STK33: variants seen among roughly 807,000 people sequenced by gnomAD.
STK33 encodes serine/threonine kinase 33.
STK33 carries 52 observed loss-of-function variants against 58.0 expected under a neutral mutation model. That is an observed-to-expected ratio of 0.90 (90% CI 0.72 to 1.13). The LOEUF is 1.13. Among genes scored for constraint, STK33 ranks in the 50% most tolerant of loss-of-function variants. The pLI is 0.00. For missense variants in STK33, 630 were observed against 604.2 expected (o/e 1.04, Z -0.45); for synonymous variants, 215 against 200.1 (o/e 1.07, Z -0.63).
the STK33 span, among the ~76,000 whole-genome samples, chr11:8,344,256 C>A: frequency 6.7e-6 from 1 of 148,278 alleles, no homozygotes; most frequent in Non-Finnish European, 1.5e-5. Context: ...ATGGTGCACA[C>A]CTGTAGTTCT....
chr11:8,411,732 G>A (rs1164332217), intron 15 of STK33, among the ~76,000 whole-genome samples: 7 of 152,146 alleles, frequency 4.6e-5, no homozygotes. Context: ...CCACGGCCCA[G>A]CCTTTTTCCA....
At chr11:8,519,559 A>T (rs1953179325) in intron 1 of STK33, among the ~76,000 whole-genome samples, 1 of 152,082 alleles carries the variant, frequency 6.6e-6, no homozygotes, top group Non-Finnish European at 1.5e-5. Context: ...CAGGAGCTAG[A>T]TTTTGGAAAT....
In STK33 at chr11:8,457,394, G is replaced by C; in HGVS notation, c.644C>G (p.Thr215Arg). Residue 215 changes from threonine (T) to arginine (R), a missense_variant, in exon 9 of 16, where the codon ACA becomes AGA. Thr to Arg is a moderately conservative substitution (Grantham distance 71). Transcript: ENST00000687296. ...DRKGHFSENETRWIIQSLASA... is the reference protein window; with the variant it reads ...DRKGHFSENERRWIIQSLASA... ...TGCGAGACTTTGAATGATCCACCTT[G>C]TCTCATTCTCTGAGAAATGCCCTTT... The C allele has an allele frequency of 6.2e-7, 1 of 1,608,178 alleles. No homozygotes were observed.
At chr11:8,446,854 C>T (rs1272095628) in intron 11 of STK33, among the ~76,000 whole-genome samples, 9 of 152,096 alleles carry the variant, frequency 5.9e-5, no homozygotes, top group Non-Finnish European at 8.8e-5. Context: ...AGACCTAAAA[C>T]CATAAAAAAC....
At chr11:8,411,592 C>A (rs1940254497) in intron 15 of STK33, among the ~76,000 whole-genome samples, 1 of 152,096 alleles carries the variant, frequency 6.6e-6, no homozygotes, top group Non-Finnish European at 1.5e-5. Flanking sequence ...GGGAAAGTTC[C>A]TTAGAGGACA....
At chr11:8,513,575 C>T (rs1319905393) in intron 1 of STK33, among the ~76,000 whole-genome samples, 1 of 152,188 alleles carries the variant, frequency 6.6e-6, no homozygotes, top group Non-Finnish European at 1.5e-5. Flanking sequence ...CATCCCCTCA[C>T]AATCCTTGCA....
At chr11:8,479,369 A>G (rs1040253113) in intron 2 of STK33, among the ~76,000 whole-genome samples, 73 of 149,866 alleles carry the variant, frequency 4.9e-4, no homozygotes, top group Middle Eastern at 3.5e-3. Flanking sequence ...GAAGGCGGAG[A>G]TTGCAGTGAG....
At chr11:8,361,365 C>T in the STK33 span, among the ~76,000 whole-genome samples, 3 of 152,190 alleles carry the variant, frequency 2.0e-5, no homozygotes, top group South Asian at 2.1e-4. The surrounding 1 kb of genome is among the most constrained non-coding windows in gnomAD (Gnocchi z 4.8). Context: ...GCCTGCACCT[C>T]ATTCCACATC....
At chr11:8,553,204 T>TATATATATGATATATATG (rs1565347705) in intron 1 of STK33, among the ~76,000 whole-genome samples, 1 of 76,418 alleles carries the variant, frequency 1.3e-5, no homozygotes, top group Non-Finnish European at 2.4e-5. Context: ...ATATGGTGTA[T>TATATATATGATATATATG]ATATATATAT....
chr11:8,517,482 A>G (rs1324901174), intron 1 of STK33, among the ~76,000 whole-genome samples: 1 of 152,246 alleles, frequency 6.6e-6, no homozygotes, highest in African/African-American at 2.4e-5. Flanking sequence ...CTGGACGGAG[A>G]ATGACTTTGA....
intron 1 of STK33, among the ~76,000 whole-genome samples, chr11:8,493,447 A>AATAAT (rs1382308975): frequency 6.6e-6 from 1 of 152,214 alleles, no homozygotes; most frequent in African/African-American, 2.4e-5. Context: ...AAATTGAGGC[A>AATAAT]ATAATAAACA....
chr11:8,431,794 C>G (rs1485801420), intron 14 of STK33, among the ~76,000 whole-genome samples: 1 of 152,172 alleles, frequency 6.6e-6, no homozygotes, highest in East Asian at 1.9e-4. Context: ...TTCAAGTCCA[C>G]TCACGATTTT....
In STK33 at chr11:8,434,789, C is replaced by T. The variant is rs80348410; in HGVS notation, c.1146+705G>A. Among the ~76,000 whole-genome samples, 61 of 152,294 alleles carry T rather than the reference C, an allele frequency of 4.0e-4. No individual in the cohort carries two copies. In the East Asian group the frequency reaches 0.011, roughly 28 times the overall value. On this transcript the variant is annotated intron_variant, in intron 14 of 15. Transcript: ENST00000687296. ...CACTTCCCAGAAATTGCACCCACTT[C>T]GACTTGCATCTCACTGACCATCACG...
intron 1 of STK33, among the ~76,000 whole-genome samples, chr11:8,586,823 A>C (rs1313066632): frequency 2.7e-3 from 9 of 3,326 alleles, no homozygotes; most frequent in Non-Finnish European, 6.1e-3. Flanking sequence ...GACTCTGTCT[A>C]AAAAAAAAAA....
intron 11 of STK33, among the ~76,000 whole-genome samples, chr11:8,443,808 G>A (rs1945065412): frequency 6.6e-6 from 1 of 152,092 alleles, no homozygotes; most frequent in South Asian, 2.1e-4. Flanking sequence ...AGATCAGCCG[G>A]GGCATGAGAT....
At chr11:8,542,853 G>A (rs1955627802) in intron 1 of STK33, among the ~76,000 whole-genome samples, 1 of 152,022 alleles carries the variant, frequency 6.6e-6, no homozygotes, top group Admixed American at 6.6e-5. Flanking sequence ...GAGACTACAG[G>A]TACACACCAC....
At chr11:8,361,199 C>A in the STK33 span, among the ~76,000 whole-genome samples, 2 of 152,180 alleles carry the variant, frequency 1.3e-5, no homozygotes, top group Non-Finnish European at 2.9e-5. The surrounding 1 kb of genome is among the most constrained non-coding windows in gnomAD (Gnocchi z 4.8). Flanking sequence ...TGCACCTGGG[C>A]AGGGCCAGAG....
chr11:8,502,063 G>A (rs1951554806), intron 1 of STK33, among the ~76,000 whole-genome samples: 1 of 114,286 alleles, frequency 8.7e-6, no homozygotes, highest in South Asian at 3.4e-4. Flanking sequence ...TCTTCGTGGG[G>A]AGATGAAAAT....
At chr11:8,534,296 A>G (rs1393163007) in intron 1 of STK33, among the ~76,000 whole-genome samples, 5 of 151,888 alleles carry the variant, frequency 3.3e-5, no homozygotes, top group African/African-American at 7.3e-5. Context: ...AAAATTGTTT[A>G]TACGTGCATT....
Sources: allele counts gnomAD v4.1 joint callset (sites outside exome capture counted in the v4.1 genomes callset), GRCh38; gene constraint gnomAD v4.1.1; non-coding constraint Gnocchi (gnomAD v3.1); transcripts MANE v1.5; gene names NCBI Gene and HGNC (gene_info 2026-07-23, HGNC 2026-07-21).